The following NOS1 variants were observed in gnomAD, a reference collection of about 807,000 sequenced individuals.
NOS1 encodes nitric oxide synthase 1.
Under a neutral mutation model 164.5 loss-of-function variants are expected in NOS1, and 51 were observed. That is an observed-to-expected ratio of 0.31 (90% CI 0.25 to 0.39). The LOEUF (loss-of-function observed/expected upper bound fraction) is 0.39. Among genes scored for constraint, NOS1 ranks in the 10% least tolerant of loss-of-function variants. The pLI, the probability that NOS1 is intolerant of heterozygous loss-of-function variation, is 1.00. For synonymous variants in NOS1, 719 were observed against 745.8 expected (o/e 0.96, Z 0.59); for missense variants, 1,362 against 1,885.6 (o/e 0.72, Z 5.14).
At chr12:117,282,996 T>C (rs946925673) in intron 7 of NOS1, among the ~76,000 whole-genome samples, 4 of 151,292 alleles carry the variant, frequency 2.6e-5, no homozygotes, top group African/African-American at 7.3e-5. Flanking sequence ...TTCTTCTCTC[T>C]GCTGTCCTTC....
At chr12:117,230,199 C>G (rs1249768716) in intron 22 of NOS1, among the ~76,000 whole-genome samples, 1 of 152,348 alleles carries the variant, frequency 6.6e-6, no homozygotes, top group Middle Eastern at 3.4e-3. Flanking sequence ...CAGGCATGAG[C>G]CACTGTGCCC....
intron 2 of NOS1, among the ~76,000 whole-genome samples, chr12:117,312,446 T>C (rs947171937): frequency 6.6e-6 from 1 of 152,126 alleles, no homozygotes; most frequent in Non-Finnish European, 1.5e-5. Flanking sequence ...TCCCCAGCCT[T>C]GTCCTGTCAT....
intron 2 of NOS1, among the ~76,000 whole-genome samples, chr12:117,320,284 G>A (rs746919244): frequency 2.0e-5 from 3 of 152,182 alleles, no homozygotes; most frequent in Non-Finnish European, 2.9e-5. Flanking sequence ...GGTTATCTCC[G>A]TGGGCCAATT....
intron 16 of NOS1, among the ~76,000 whole-genome samples, chr12:117,257,079 A>C (rs1161606139): frequency 1.3e-5 from 2 of 152,000 alleles, no homozygotes; most frequent in Non-Finnish European, 2.9e-5. Flanking sequence ...TCTCAAAAAA[A>C]ATTTTTTTAT....
chr12:117,350,013 C>A (rs1305395345), intron 1 of NOS1, among the ~76,000 whole-genome samples: 2 of 152,126 alleles, frequency 1.3e-5, no homozygotes, highest in African/African-American at 4.8e-5. Context: ...GTGTGAGCCA[C>A]CATGCCTGGC....
intron 20 of NOS1, among the ~76,000 whole-genome samples, chr12:117,241,983 C>T (rs1870215295): frequency 6.6e-6 from 1 of 152,172 alleles, no homozygotes; most frequent in African/African-American, 2.4e-5. Context: ...TCAGGCCCCA[C>T]AGGAGATTGG....
At chr12:117,284,554 C>T (rs1002279029) in intron 7 of NOS1, among the ~76,000 whole-genome samples, 6 of 152,078 alleles carry the variant, frequency 3.9e-5, no homozygotes, top group East Asian at 1.9e-4. Context: ...TGTCTCCAGG[C>T]GACAGAGCAA....
At chr12:117,237,015 G>C (rs563960501) in intron 20 of NOS1, among the ~76,000 whole-genome samples, 4 of 152,208 alleles carry the variant, frequency 2.6e-5, no homozygotes, top group African/African-American at 9.7e-5. Flanking sequence ...TGGCTGTGGG[G>C]CCCCAGGGCA....
intron 3 of NOS1, among the ~76,000 whole-genome samples, chr12:117,298,033 A>C (rs371222081): frequency 2.0e-5 from 3 of 152,202 alleles, no homozygotes; most frequent in East Asian, 3.9e-4. Context: ...GGGCATGTTC[A>C]GGATGATTCA....
rs897576427 is a variant in NOS1 at position 117,272,805 on chromosome 12, C to T, written c.1665-246G>A. 6.6e-6 allele frequency among the ~76,000 whole-genome samples: 1 copy of T among 152,192 alleles called. No individual in the cohort carries two copies. The highest frequency in any genetic ancestry group is 1.5e-5 in the Non-Finnish European group (1 of 68,038). On this transcript the variant is annotated intron_variant, in intron 9 of 28. Transcript: ENST00000317775. The surrounding 1 kb of genome is among the most constrained non-coding windows in gnomAD (Gnocchi z 4.3). The stretch of plus-strand genomic sequence containing the variant: ...CAGGCCTGGAAACTACTGCCTTAGG[C>T]TGCTGTTTCTCTCTCAAACCCACCC...
intron 1 of NOS1, among the ~76,000 whole-genome samples, chr12:117,357,049 G>A (rs935410450): frequency 6.6e-6 from 1 of 152,160 alleles, no homozygotes; most frequent in Non-Finnish European, 1.5e-5. Flanking sequence ...TAGGCCTGGC[G>A]TGGTGGCTCA....
intron 2 of NOS1, among the ~76,000 whole-genome samples, chr12:117,313,602 C>T (rs188401580): frequency 1.2e-4 from 18 of 152,170 alleles, no homozygotes; most frequent in Admixed American, 5.9e-4. Flanking sequence ...GGCCAGAATC[C>T]GACTTCTTAC....
intron 24 of NOS1, among the ~76,000 whole-genome samples, chr12:117,226,033 C>G (rs957745125): frequency 2.6e-5 from 4 of 152,158 alleles, no homozygotes; most frequent in African/African-American, 9.7e-5. Flanking sequence ...GATTCCTGGG[C>G]CATACAGTAC....
chr12:117,303,464 G>A (rs921059838), intron 3 of NOS1, among the ~76,000 whole-genome samples: 18 of 152,114 alleles, frequency 1.2e-4, no homozygotes, highest in African/African-American at 3.9e-4. Context: ...GCTGAGCTTG[G>A]GGAGTGGGAT....
rs981542560 is a variant in NOS1 at position 117,243,509 on chromosome 12, G to A, written c.2824-74C>T. ...TCCTCTCCAACAGCTCCAAGTCATG[G>A]CATGTATCTCTTCATTCACCCATCC... On this transcript the variant is annotated intron_variant, in intron 18 of 28. Coordinates refer to ENST00000317775, the MANE Select transcript of NOS1 (RefSeq NM_000620.5). This position sits in a 1 kb window ranked among gnomAD's most constrained non-coding sequence, Gnocchi z 4.3. 49 of 1,535,882 alleles carry A rather than the reference G, an allele frequency of 3.2e-5. No individual in the cohort carries two copies. The East Asian group carries it at 1.1e-3, about 33-fold the overall frequency.
At chr12:117,286,019 C>T (rs1234732911) in intron 6 of NOS1, 85 bp downstream of exon 6, 2 of 1,501,360 alleles carry the variant, frequency 1.3e-6, no homozygotes, top group Non-Finnish European at 1.8e-6. Flanking sequence ...TTGGTAGAAG[C>T]TTATCCTTTT....
Position 117,272,328 on chromosome 12 carries a change from G to A in NOS1, c.1839+57C>T, listed in dbSNP as rs1033523832. 13 of 1,597,108 alleles carry A rather than the reference G, an allele frequency of 8.1e-6. No homozygotes were observed. The highest frequency in any genetic ancestry group is 8.6e-6 in the Non-Finnish European group (10 of 1,166,334). ...GCTCGCCGTGGGGAAGGGGACTGCT[G>A]AGCTGGCACCCTCTGCTATGTGCTT... On this transcript the variant is annotated intron_variant, in intron 10 of 28. Coordinates refer to ENST00000317775, the MANE Select transcript of NOS1 (RefSeq NM_000620.5). This position sits in a 1 kb window ranked among gnomAD's most constrained non-coding sequence, Gnocchi z 4.3.
chr12:117,250,789 T>G (rs1483296406), intron 17 of NOS1, among the ~76,000 whole-genome samples: 5 of 152,192 alleles, frequency 3.3e-5, no homozygotes, highest in Non-Finnish European at 5.9e-5. Flanking sequence ...TGCCTCAGCC[T>G]TAGCCCAGTG....
chr12:117,322,599 CTCCTTCCTTTCT>C (rs1384925295), intron 2 of NOS1, among the ~76,000 whole-genome samples: 1 of 139,134 alleles, frequency 7.2e-6, no homozygotes, highest in African/African-American at 2.7e-5. Context: ...CTTTCCCTCC[CTCCTTCCTTTCT>C]TCCTTCCTAC....
Sources: gnomAD v4.1 joint callset for allele counts (sites outside exome capture counted in the v4.1 genomes callset) on GRCh38, gnomAD v4.1.1 for gene constraint, Gnocchi (gnomAD v3.1) non-coding constraint, MANE v1.5 for transcripts, NCBI Gene and HGNC (gene_info 2026-07-23, HGNC 2026-07-21) for gene names.